The following GOLGA1 variants were observed in gnomAD, a reference collection of about 807,000 sequenced individuals.
GOLGA1 encodes the protein golgin A1.
A neutral mutation model predicts 119.7 loss-of-function variants in GOLGA1; 63 were observed. The ratio of observed to expected loss-of-function variants is 0.53; its 90% CI spans 0.43 to 0.65. The LOEUF (loss-of-function observed/expected upper bound fraction) is 0.65, where lower values mean the gene tolerates loss of function less well. GOLGA1 is among the 30% of genes least tolerant of loss of function. The probability of loss-of-function intolerance (pLI) is 0.00; values close to 1 mark genes in which losing one functional copy is unlikely to be tolerated. For missense variants in GOLGA1, 798 were observed against 912.8 expected (o/e 0.87, Z 1.62); for synonymous variants, 318 against 333.4 (o/e 0.95, Z 0.50).
chr9:124,893,077 G>A (rs1184583937), intron 15 of GOLGA1, among the ~76,000 whole-genome samples: 2 of 152,068 alleles, frequency 1.3e-5, no homozygotes, highest in African/African-American at 4.8e-5. Flanking sequence ...ATAGCTCACT[G>A]CAGCCTCGAC....
At position 124,879,099 on chromosome 9, in the gene GOLGA1, TG is replaced by T. The variant is rs1829513583; in HGVS notation, c.*1430del. 1 of 152,210 alleles carries T rather than the reference TG, an allele frequency of 6.6e-6. No individual in the cohort carries two copies. Among genetic ancestry groups the T allele is most frequent in the South Asian group, 2.1e-4 (1 of 4,830 alleles). 9.4% of individuals were successfully genotyped at this position (152,210 alleles called of 1,614,324 possible). A position where few individuals can be genotyped will look rare whatever the true frequency, so the allele number is the denominator to read the frequency against. On this transcript the variant is annotated 3_prime_UTR_variant, in exon 23 of 23. Transcript: ENST00000373555. Reference sequence around the variant, plus strand: ...AATTTCGTTAGGTTAACGTTGCAAATGCGTGTTTTTCTGTGACACATTTTAT... The same window carrying T: ...AATTTCGTTAGGTTAACGTTGCAAATCGTGTTTTTCTGTGACACATTTTAT...
At chr9:124,895,608 A>G (rs1036001330) in intron 15 of GOLGA1, among the ~76,000 whole-genome samples, 4 of 149,290 alleles carry the variant, frequency 2.7e-5, no homozygotes, top group Admixed American at 2.0e-4. Context: ...TCCACGACAG[A>G]GAGCCTCCAC....
chr9:124,928,134 C>T (rs1830706838), intron 6 of GOLGA1, 54 bp downstream of exon 6: 8 of 733,832 alleles, frequency 1.1e-5, no homozygotes, highest in Non-Finnish European at 1.9e-5. Context: ...TTTGAAATCA[C>T]GTCACTAAGT....
At chr9:124,904,318 TTC>T (rs2131425889) in intron 12 of GOLGA1, among the ~76,000 whole-genome samples, 1 of 152,212 alleles carries the variant, frequency 6.6e-6, no homozygotes, top group South Asian at 2.1e-4. Flanking sequence ...AGTATAGAGT[TTC>T]TGTTTGGGAA....
chr9:124,910,841 A>G (rs570954915), intron 11 of GOLGA1, among the ~76,000 whole-genome samples: 2 of 152,300 alleles, frequency 1.3e-5, no homozygotes, highest in South Asian at 4.1e-4. Context: ...TCTAGGGACG[A>G]TGATGATCTG....
intron 7 of GOLGA1, among the ~76,000 whole-genome samples, chr9:124,925,735 C>T (rs36103245): frequency 0.18 from 27,970 of 151,952 alleles, 3,020 homozygotes; most frequent in Non-Finnish European, 0.23. Context: ...AATGTATTCT[C>T]TCAGCTTGAT....
intron 11 of GOLGA1, among the ~76,000 whole-genome samples, chr9:124,909,633 T>C (rs1024771407): frequency 1.4e-5 from 2 of 143,486 alleles, no homozygotes; most frequent in African/African-American, 2.6e-5. Context: ...AAAAAAGAAA[T>C]GTAGACTTAG....
At chr9:124,925,986 T>C (rs1016305301) in intron 7 of GOLGA1, among the ~76,000 whole-genome samples, 1 of 152,124 alleles carries the variant, frequency 6.6e-6, no homozygotes, top group African/African-American at 2.4e-5. Context: ...TTCTCATATA[T>C]GTTCAATGCT....
Position 124,881,393 on chromosome 9 carries a change from T to G in GOLGA1, c.2137-136A>C, listed in dbSNP as rs1190896906. 1.5e-6 allele frequency: 1 copy of G among 688,074 alleles called. No homozygotes were observed. Among genetic ancestry groups the G allele is most frequent in the African/African-American group, 1.8e-5 (1 of 56,070 alleles). The allele number at this position is 688,074 out of a possible 1,614,324, so 42.6% of individuals were successfully genotyped here. Reference sequence around the variant, plus strand: ...TGGGTGACGCTCTGGCACTCTGAAGTTTGGCAGCAATGATAGGTTCTTTCT... The same window carrying G: ...TGGGTGACGCTCTGGCACTCTGAAGGTTGGCAGCAATGATAGGTTCTTTCT... On this transcript the variant is annotated intron_variant, in intron 21 of 22. Transcript: ENST00000373555. The surrounding 1 kb of genome is among the most constrained non-coding windows in gnomAD (Gnocchi z 4.9).
intron 10 of GOLGA1, among the ~76,000 whole-genome samples, chr9:124,919,425 T>C (rs1830517861): frequency 6.6e-6 from 1 of 152,138 alleles, no homozygotes; most frequent in Non-Finnish European, 1.5e-5. Flanking sequence ...TCATTGAGGG[T>C]AAAAAGCCTG....
At chr9:124,939,802 T>A (rs573926027) in intron 2 of GOLGA1, among the ~76,000 whole-genome samples, 2 of 152,180 alleles carry the variant, frequency 1.3e-5, no homozygotes, top group Non-Finnish European at 2.9e-5. Flanking sequence ...CCTCAGATGA[T>A]CCACCTGCAT....
rs371328952 is a variant in GOLGA1 at position 124,884,405 on chromosome 9, G to A, written c.1906-1836C>T. 1.4e-3 allele frequency among the ~76,000 whole-genome samples: 206 copies of A among 152,266 alleles called. 3 individuals are homozygous for A. The highest frequency in any genetic ancestry group is 4.5e-3 in the African/African-American group (188 of 41,550). On this transcript the variant is annotated intron_variant, in intron 19 of 22. Coordinates refer to ENST00000373555, the MANE Select transcript of GOLGA1 (RefSeq NM_002077.4). Reference sequence around the variant, plus strand: ...GTCCACATCCCCATTCTTGCACAGCGTGGCTGGAATTGTAAATACATTTTT... The same window carrying A: ...GTCCACATCCCCATTCTTGCACAGCATGGCTGGAATTGTAAATACATTTTT...
chr9:124,932,385 T>C (rs931846860), intron 3 of GOLGA1, among the ~76,000 whole-genome samples: 6 of 152,192 alleles, frequency 3.9e-5, no homozygotes, highest in African/African-American at 1.4e-4. Context: ...CCATCCAATA[T>C]GTACTGAGAG....
intron 15 of GOLGA1, among the ~76,000 whole-genome samples, chr9:124,893,521 A>C (rs1275566035): frequency 2.0e-5 from 3 of 152,116 alleles, no homozygotes; most frequent in African/African-American, 7.2e-5. Flanking sequence ...ATTTTAATCC[A>C]AAATTAGCTA....
At chr9:124,945,553 C>T (rs1444035573), upstream of GOLGA1, 1 of 128,036 alleles carries the variant, frequency 7.8e-6, no homozygotes, top group Non-Finnish European at 1.7e-5. Flanking sequence ...AACTCCATCT[C>T]AAAAAAAAAA....
At chr9:124,914,878 T>TA (rs778198431) in intron 10 of GOLGA1, among the ~76,000 whole-genome samples, 5 of 152,230 alleles carry the variant, frequency 3.3e-5, no homozygotes, top group Non-Finnish European at 5.9e-5. Context: ...CTTACACAGG[T>TA]CACTGTGTTA....
At chr9:124,890,818 A>C (rs1829838267) in intron 15 of GOLGA1, among the ~76,000 whole-genome samples, 1 of 152,188 alleles carries the variant, frequency 6.6e-6, no homozygotes, top group Non-Finnish European at 1.5e-5. Context: ...CTCGCAGGCC[A>C]CGTGAATGGA....
chr9:124,881,225 C>T lies in GOLGA1; in HGVS notation c.2169G>A (p.Leu723=), dbSNP rs756757460. 2 of 1,605,260 alleles carry T rather than the reference C, an allele frequency of 1.2e-6. No homozygotes were observed. The highest frequency in any genetic ancestry group is 1.7e-6 in the Non-Finnish European group (2 of 1,171,864). The change falls in exon 22 of 23, where the codon TTG becomes TTA. Residue 723 remains leucine, a synonymous_variant. Coordinates refer to ENST00000373555, the MANE Select transcript of GOLGA1 (RefSeq NM_002077.4). This position sits in a 1 kb window ranked among gnomAD's most constrained non-coding sequence, Gnocchi z 4.9. ...AFHLIKAVSV[L]LNFSQEEENM... is the part of the protein sequence containing the mutation. ...TCTCCTCCTCTTGGGAAAAGTTCAGCAACACTGACACAGCTTTTATAAGAT... is the reference window on the plus strand; with the variant it reads ...TCTCCTCCTCTTGGGAAAAGTTCAGTAACACTGACACAGCTTTTATAAGAT...
At chr9:124,932,958 T>C (rs1830798759) in intron 3 of GOLGA1, among the ~76,000 whole-genome samples, 1 of 152,148 alleles carries the variant, frequency 6.6e-6, no homozygotes, top group South Asian at 2.1e-4. Context: ...CCTCATTCCA[T>C]CACTCTAGTG....
Sources: allele counts gnomAD v4.1 joint callset (sites outside exome capture counted in the v4.1 genomes callset), GRCh38; gene constraint gnomAD v4.1.1; non-coding constraint Gnocchi (gnomAD v3.1); transcripts MANE v1.5; gene names NCBI Gene and HGNC (gene_info 2026-07-23, HGNC 2026-07-21).